Variants in ZNF185 observed in about 807,000 individuals in gnomAD.
ZNF185 encodes zinc finger protein 185.
Under a neutral mutation model 58.6 loss-of-function variants are expected in ZNF185, and 56 were observed. That is an observed-to-expected ratio of 0.95 (90% confidence interval 0.77 to 1.19). ZNF185 has a LOEUF of 1.19. Ranked by LOEUF, ZNF185 falls within the 50% of genes most tolerant of loss-of-function variation. The pLI is 0.00. For missense variants in ZNF185, 627 were observed against 573.5 expected (o/e 1.09, Z -0.95); for synonymous variants, 230 against 215.9 (o/e 1.07, Z -0.57).
chrX:152,938,087 T>C (rs1556884067), exon 15 of ZNF185: 2 of 1,178,140 alleles, frequency 1.7e-6, no homozygotes, highest in African/African-American at 3.5e-5. Flanking sequence ...CAGTGCCACT[T>C]CAGTCTCTGC....
At chrX:152,962,000 G>A (rs1275791209) in intron 17 of ZNF185, among the ~76,000 whole-genome samples, 1 of 112,025 alleles carries the variant, frequency 8.9e-6, no homozygotes, top group African/African-American at 3.2e-5. Flanking sequence ...TGATGGAGAG[G>A]GGTTAGAGCA....
At chrX:152,920,377 T>G (rs368944191) in exon 8 of ZNF185, 2 of 1,209,455 alleles carry the variant, frequency 1.7e-6, no homozygotes, top group African/African-American at 3.5e-5. Context: ...CCGGGAGCAC[T>G]CCTACGTCCT....
intron 16 of ZNF185, among the ~76,000 whole-genome samples, chrX:152,949,364 C>T (rs781827344): frequency 8.9e-6 from 1 of 112,620 alleles, no homozygotes; most frequent in African/African-American, 3.2e-5. Flanking sequence ...GTGCTCTTCT[C>T]CTGTTCCTCT....
At position 152,917,297 on chromosome X, in the gene ZNF185, C is replaced by T. The variant is rs782424663; in HGVS notation, c.276C>T (p.Thr92=). The change falls in exon 5 of 23, where the codon ACC becomes ACT. Residue 92 remains threonine, a synonymous_variant. Coordinates refer to ENST00000449285, the Ensembl canonical transcript of ZNF185. ...GGCTCTCTTTCAGGGGAGTGTTCACCAAGCCCATAGACAGCTCTTCCCAGC... is the reference window on the plus strand; with the variant it reads ...GGCTCTCTTTCAGGGGAGTGTTCACTAAGCCCATAGACAGCTCTTCCCAGC... The T allele has an allele frequency of 2.5e-6, 3 of 1,210,182 alleles. No individual in the cohort carries two copies. In the Admixed American group the frequency reaches 6.5e-5, roughly 26 times the overall value.
At position 152,964,445 on chromosome X, in the gene ZNF185, A is replaced by G. The variant is rs1424031743; in HGVS notation, c.1718+496A>G. 2.7e-5 allele frequency among the ~76,000 whole-genome samples: 3 copies of G among 112,532 alleles called. No homozygotes were observed. In the East Asian group the frequency reaches 8.4e-4, roughly 31 times the overall value. The stretch of plus-strand genomic sequence containing the variant: ...TAATCATGGTGGAAGCCGAAGTGGG[A>G]GCAGGACCATCACATGGCACGAGCA... On this transcript the variant is annotated intron_variant, in intron 18 of 22. Coordinates refer to ENST00000449285, the Ensembl canonical transcript of ZNF185.
chrX:152,959,798 T>TGCAGATCCCA lies in ZNF185; in HGVS notation c.1510_1511insCAGATCCCAG (p.Val504AlafsTer25). 5 of 1,212,027 alleles carry TGCAGATCCCA rather than the reference T, an allele frequency of 4.1e-6. No individual in the cohort carries two copies. The highest frequency in any genetic ancestry group is 5.6e-6 in the Non-Finnish European group (5 of 895,443). On this transcript the variant is annotated frameshift_variant, in exon 17 of 23. Transcript: ENST00000449285. LOFTEE classifies it high-confidence loss of function. The stretch of plus-strand genomic sequence containing the variant: ...CAAGAGGTGGCCAAGGAGACCCAGC[T>TGCAGATCCCA]GTACCCACTCAGCAACCTGCAGATC...
rs1441968098 is a variant in ZNF185, at chrX:152,948,048, G to A, written c.1409+2584G>A. On this transcript the variant is annotated intron_variant, in intron 16 of 22. Coordinates refer to ENST00000449285, the Ensembl canonical transcript of ZNF185. ...TTCCAAAAGGTCTTAAGGAGGAAGA[G>A]GAGCTACAGAGAGGTATTGAGAAGG... is the stretch of plus-strand genomic sequence containing the variant. Among the ~76,000 whole-genome samples the A allele has an allele frequency of 2.7e-5, 3 of 112,354 alleles. No homozygotes were observed. The Admixed American group carries it at 2.8e-4, about 11-fold the overall frequency.
At chrX:152,952,533 T>C (rs1388666223) in intron 16 of ZNF185, among the ~76,000 whole-genome samples, 1 of 112,017 alleles carries the variant, frequency 8.9e-6, no homozygotes, top group African/African-American at 3.2e-5. Flanking sequence ...AGAGATCTAA[T>C]GGCGAGCCCT....
At chrX:152,957,018 T>G (rs34181726) in intron 16 of ZNF185, among the ~76,000 whole-genome samples, 36,313 of 110,182 alleles carry the variant, frequency 0.33, 4,654 homozygotes, top group African/African-American at 0.46. Context: ...TGGAAAAACC[T>G]AATAATACCC....
intron 15 of ZNF185, among the ~76,000 whole-genome samples, chrX:152,939,918 G>C (rs1349023958): frequency 2.7e-5 from 3 of 109,589 alleles, no homozygotes; most frequent in East Asian, 2.8e-4. Flanking sequence ...AAGTAGCTGG[G>C]ATTACAGGCA....
At position 152,947,758 on chromosome X, in the gene ZNF185, C is replaced by T. The variant is rs782135559; in HGVS notation, c.1409+2294C>T. Among the ~76,000 whole-genome samples the T allele has an allele frequency of 1.4e-4, 16 of 112,258 alleles. No homozygotes were observed. The East Asian group carries it at 2.8e-3, about 20-fold the overall frequency. On this transcript the variant is annotated intron_variant, in intron 16 of 22. Coordinates refer to ENST00000449285, the Ensembl canonical transcript of ZNF185. ...GCAGTGTGTACAAAGCATGTATTCTCGGCTTTTCTCTGCAGACTTCCAGGG... is the reference window on the plus strand; with the variant it reads ...GCAGTGTGTACAAAGCATGTATTCTTGGCTTTTCTCTGCAGACTTCCAGGG...
chrX:152,961,304 G>A (rs1387772581), intron 17 of ZNF185, among the ~76,000 whole-genome samples: 1 of 111,937 alleles, frequency 8.9e-6, no homozygotes, highest in African/African-American at 3.2e-5. Context: ...AAGGAACTCA[G>A]CAAAGAAAAT....
chrX:152,971,982 A>G (rs1214395508), exon 23 of ZNF185: 1 of 111,916 alleles, frequency 8.9e-6, no homozygotes, highest in African/African-American at 3.3e-5. Flanking sequence ...TGGAATCTTG[A>G]TAGCTGATTA....
the ZNF185 span, among the ~76,000 whole-genome samples, chrX:152,900,653 G>A: frequency 1.8e-5 from 2 of 112,795 alleles, no homozygotes; most frequent in African/African-American, 6.4e-5. Context: ...TGCCATCAGG[G>A]GACCAGTCCC....
upstream of ZNF185, among the ~76,000 whole-genome samples, chrX:152,913,918 G>A (rs1227536488): frequency 1.8e-5 from 2 of 111,113 alleles, no homozygotes; most frequent in Non-Finnish European, 3.8e-5. Context: ...GCAGCTCGGA[G>A]AGGTTAGCTG....
chrX:152,922,181 T>C, exon 10 of ZNF185: 2 of 1,193,108 alleles, frequency 1.7e-6, no homozygotes, highest in Non-Finnish European at 2.3e-6. Context: ...AGGGTGGAGG[T>C]GGTGGAAGAG....
chrX:152,955,547 G>T (rs1205137933), intron 16 of ZNF185, among the ~76,000 whole-genome samples: 3 of 112,562 alleles, frequency 2.7e-5, no homozygotes, highest in Non-Finnish European at 5.6e-5. Context: ...TGTTTGGTTT[G>T]GTCTGTTGGG....
At chrX:152,931,698 A>T in exon 13 of ZNF185, 3 of 1,210,276 alleles carry the variant, frequency 2.5e-6, no homozygotes, top group Non-Finnish European at 3.4e-6. Flanking sequence ...AAAGACAAGG[A>T]GGCCCCCTGC....
At chrX:152,945,094 G>A (rs2047647050) in intron 15 of ZNF185, among the ~76,000 whole-genome samples, 173 bp from the exon 18 acceptor site, 1 of 113,070 alleles carries the variant, frequency 8.8e-6, no homozygotes, top group South Asian at 3.6e-4. Context: ...TCCTGCCAAG[G>A]AGGAGACTGT....
Sources: gnomAD v4.1 joint callset for allele counts (sites outside exome capture counted in the v4.1 genomes callset) on GRCh38, gnomAD v4.1.1 for gene constraint, MANE v1.5 for transcripts, NCBI Gene and HGNC (gene_info 2026-07-23, HGNC 2026-07-21) for gene names.